EXOSC5: variants seen among roughly 807,000 people sequenced by gnomAD.
The protein encoded by EXOSC5 is exosome complex component RRP46.
In EXOSC5, 15 loss-of-function variants were observed where a neutral mutation model predicts 23.7. The ratio of observed to expected loss-of-function variants is 0.63; its 90% CI spans 0.42 to 0.97. The LOEUF (loss-of-function observed/expected upper bound fraction) is 0.97, where lower values mean the gene tolerates loss of function less well. Among genes scored for constraint, EXOSC5 ranks in the 50% least tolerant of loss-of-function variants. EXOSC5 has a pLI of 0.00. For synonymous variants in EXOSC5, 143 were observed against 140.9 expected, an observed-to-expected ratio of 1.02 and a Z score of -0.11; for missense variants, 305 against 316.3, an observed-to-expected ratio of 0.96 and a Z score of 0.27.
In EXOSC5 at chr19:41,392,810, G is replaced by T. The variant is rs952151770; in HGVS notation, c.262+57C>A. 1.7e-5 allele frequency: 26 copies of T among 1,488,836 alleles called. No individual in the cohort carries two copies. In the East Asian group the frequency reaches 5.3e-4, roughly 30 times the overall value. 92.2% of individuals were successfully genotyped at this position (1,488,836 alleles called of 1,614,324 possible). On this transcript the variant is annotated intron_variant, in intron 2 of 5. Coordinates refer to ENST00000221233, the MANE Select transcript of EXOSC5 (RefSeq NM_020158.4). ...TCGGGGCAGCTGGTAGGGAGGAGCT[G>T]GGGGGGTGATTTTGACAAACTGGGC...
At position 41,386,700 on chromosome 19, in the gene EXOSC5, T is replaced by C. The variant is rs1206632096; in HGVS notation, c.641A>G (p.Gln214Arg). Residue 214 changes from glutamine to arginine, a missense_variant, in exon 6 of 6, where the codon CAG becomes CGG. Transcript: ENST00000221233. Reference sequence around the variant, plus strand: ...ACGGAAGACGTGTTGCGAAGCGGCCTGGGCCGCAGCCAGGCACTGCTGGAG... The same window carrying C: ...ACGGAAGACGTGTTGCGAAGCGGCCCGGGCCGCAGCCAGGCACTGCTGGAG... ...TELQQCLAAA[Q>R]AASQHVFRFY... 3 of 1,600,726 alleles carry C rather than the reference T, an allele frequency of 1.9e-6. No individual in the cohort carries two copies. The highest frequency in any genetic ancestry group is 2.6e-6 in the Non-Finnish European group (3 of 1,174,766).
chr19:41,397,168 G>T lies in EXOSC5; in HGVS notation c.148+13C>A. ...GTCCCTCTCCAAAAGAAAGACCTGG[G>T]TGAAGTTCTTACCTTGCAGGAAGGA... On this transcript the variant is annotated intron_variant, in intron 1 of 5. Coordinates refer to ENST00000221233, the MANE Select transcript of EXOSC5 (RefSeq NM_020158.4). 6.2e-7 allele frequency: 1 copy of T among 1,612,846 alleles called. No homozygotes were observed. The highest frequency in any genetic ancestry group is 1.1e-5 in the South Asian group (1 of 91,058).
intron 4 of EXOSC5, 93 bp downstream of exon 4, chr19:41,389,672 T>G: frequency 3.9e-5 from 59 of 1,508,762 alleles, no homozygotes; most frequent in Non-Finnish European, 4.9e-5. Flanking sequence ...TGAGGTGGCA[T>G]GAGCCGACTG....
At chr19:41,389,630 T>G in intron 4 of EXOSC5, 135 bp downstream of exon 4, 4 of 1,284,584 alleles carry the variant, frequency 3.1e-6, no homozygotes, top group Non-Finnish European at 4.2e-6. Flanking sequence ...AAATGAACCA[T>G]GATGATTAGA....
At position 41,392,004 on chromosome 19, in the gene EXOSC5, T is replaced by G. The variant is rs2039026604; in HGVS notation, c.263-42A>C. ...GAGGTTCAGGGTCTTCCCCTTCATT[T>G]GACTCACCTTCCTCCATACGCCTCA... is the stretch of plus-strand genomic sequence containing the variant. On this transcript the variant is annotated intron_variant, in intron 2 of 5. Transcript: ENST00000221233. 6.4e-6 allele frequency: 10 copies of G among 1,562,956 alleles called. No homozygotes were observed. In the East Asian group the frequency reaches 2.5e-4, roughly 39 times the overall value.
chr19:41,392,595 T>A lies in EXOSC5; in HGVS notation c.262+272A>T, dbSNP rs548641271. On this transcript the variant is annotated intron_variant, in intron 2 of 5. Coordinates refer to ENST00000221233, the MANE Select transcript of EXOSC5 (RefSeq NM_020158.4). ...CGAGACACTGTCTCCAAAAAAAAAA[T>A]AAATAAATAAAAATAAATAAAAGAA... 9.3e-4 allele frequency among the ~76,000 whole-genome samples: 137 copies of A among 147,756 alleles called. No homozygotes were observed. In the East Asian group the frequency reaches 0.023, roughly 25 times the overall value.
At chr19:41,393,088 G>A in intron 1 of EXOSC5, 108 bp from the exon 2 acceptor site, 1 of 786,782 alleles carries the variant, frequency 1.3e-6, no homozygotes, top group South Asian at 1.5e-5. Flanking sequence ...CCCGCCATTT[G>A]TTGGTACTGA....
intron 3 of EXOSC5, 60 bp downstream of exon 3, chr19:41,391,781 C>A: frequency 2.1e-6 from 3 of 1,460,840 alleles, no homozygotes; most frequent in Non-Finnish European, 2.7e-6. Flanking sequence ...GTATATGTAT[C>A]CGCCAGGAGG....
intron 3 of EXOSC5, among the ~76,000 whole-genome samples, chr19:41,390,650 C>T (rs375493618): frequency 6.6e-6 from 1 of 152,164 alleles, no homozygotes; most frequent in Non-Finnish European, 1.5e-5. Context: ...GAGGAAGAGC[C>T]ACCTCGCTGC....
At chr19:41,396,156 T>C (rs566513288) in intron 1 of EXOSC5, among the ~76,000 whole-genome samples, 49 of 152,088 alleles carry the variant, frequency 3.2e-4, no homozygotes, top group Middle Eastern at 3.4e-3. Flanking sequence ...GGGAGGAGGA[T>C]TGCTTGAGCC....
At chr19:41,394,394 A>G (rs1255155519) in intron 1 of EXOSC5, among the ~76,000 whole-genome samples, 2 of 151,658 alleles carry the variant, frequency 1.3e-5, no homozygotes, top group Non-Finnish European at 2.9e-5. Context: ...AAAAAAAAAA[A>G]TACATTTTAG....
intron 2 of EXOSC5, chr19:41,392,294 T>C (rs1211554973): frequency 2.9e-6 from 1 of 339,600 alleles, no homozygotes; most frequent in Non-Finnish European, 5.4e-6. Context: ...GAAAAACAGG[T>C]TAATGGTCCA....
intron 1 of EXOSC5, among the ~76,000 whole-genome samples, chr19:41,393,817 C>T (rs149137995): frequency 0.029 from 4,300 of 150,786 alleles, 178 homozygotes; most frequent in African/African-American, 0.098. Flanking sequence ...CCTCCCAAAG[C>T]GCTGGGATTA....
chr19:41,395,373 C>T (rs2039054608), intron 1 of EXOSC5, among the ~76,000 whole-genome samples: 1 of 152,164 alleles, frequency 6.6e-6, no homozygotes, highest in Non-Finnish European at 1.5e-5. Flanking sequence ...AAGAGTCTCT[C>T]CCCTCTCACC....
In EXOSC5 at chr19:41,391,884, G is replaced by A. The variant is rs542429051; in HGVS notation, c.341C>T (p.Thr114Ile). Reference protein sequence around the residue: ...AVVLGTLHPRTSITVVLQVVS... With the variant: ...AVVLGTLHPRISITVVLQVVS... ...AACCTGCAGCACCACGGTGATGGAGGTGCGGGGGTGCAACGTGCCCAGCAC... is the reference window on the plus strand; with the variant it reads ...AACCTGCAGCACCACGGTGATGGAGATGCGGGGGTGCAACGTGCCCAGCAC... The change falls in exon 3 of 6, where the codon ACC becomes ATC. Residue 114 changes from threonine to isoleucine, a missense_variant. Transcript: ENST00000221233. 6.2e-5 allele frequency: 96 copies of A among 1,560,200 alleles called. No individual in the cohort carries two copies. The highest frequency in any genetic ancestry group is 2.1e-4 in the Admixed American group (10 of 48,036).
intron 1 of EXOSC5, among the ~76,000 whole-genome samples, chr19:41,396,681 C>A (rs1274109314): frequency 1.4e-5 from 2 of 143,990 alleles, no homozygotes; most frequent in African/African-American, 5.2e-5. Flanking sequence ...TGGAGAGATG[C>A]AGTGAGGTAG....
In EXOSC5 at chr19:41,389,895, C is replaced by G; in HGVS notation, c.395G>C (p.Cys132Ser). ...TGCCATGCAGGCGGCATTCAGACAA[C>G]AGGCCAGGAGCTGAGCACCACAGGA... The part of the protein sequence containing the change: ...VVSDAGSLLA[C>S]CLNAACMALV... The change falls in exon 4 of 6, where the codon TGT (cysteine) becomes TCT (serine). Residue 132 changes from cysteine (C) to serine (S), a missense_variant. By Grantham distance (112) the Cys-to-Ser change is moderately radical (BLOSUM62 -1). Coordinates refer to ENST00000221233, the MANE Select transcript of EXOSC5 (RefSeq NM_020158.4). The G allele has an allele frequency of 6.2e-7, 1 of 1,608,516 alleles. No homozygotes were observed. The highest frequency in any genetic ancestry group is 8.5e-7 in the Non-Finnish European group (1 of 1,178,134).
intron 1 of EXOSC5, among the ~76,000 whole-genome samples, chr19:41,394,090 T>TA (rs2039044188): frequency 6.6e-6 from 1 of 152,058 alleles, no homozygotes. Flanking sequence ...ACCTAAGAAA[T>TA]AAACAGCCTG....
chr19:41,389,948 T>C (rs1161798138), intron 3 of EXOSC5, 43 bp from the exon 4 acceptor site: 1 of 1,515,288 alleles, frequency 6.6e-7, no homozygotes, highest in South Asian at 1.3e-5. Flanking sequence ...TTTTTTTTTT[T>C]GGAGATGGAG....
Sources: allele counts gnomAD v4.1 joint callset (sites outside exome capture counted in the v4.1 genomes callset), GRCh38; gene constraint gnomAD v4.1.1; transcripts MANE v1.5; gene names NCBI Gene and HGNC (gene_info 2026-07-23, HGNC 2026-07-21).